The following DHX37 variants were observed in gnomAD, a reference collection of about 807,000 sequenced individuals.
The protein encoded by DHX37 is probable ATP-dependent RNA helicase DHX37.
In DHX37, 52 loss-of-function variants were observed where a neutral mutation model predicts 134.3. That is an observed-to-expected ratio of 0.39 (90% CI 0.31 to 0.49). The LOEUF (loss-of-function observed/expected upper bound fraction) is 0.49. DHX37 is among the 20% of genes least tolerant of loss of function. The pLI is 0.93. For missense variants in DHX37, 1,344 were observed against 1,580.8 expected, an observed-to-expected ratio of 0.85 and a Z score of 2.54; for synonymous variants, 634 against 670.7, an observed-to-expected ratio of 0.95 and a Z score of 0.85.
Position 124,957,109 on chromosome 12 carries a change from G to A in DHX37, c.2184C>T (p.Pro728=), listed in dbSNP as rs756874310. 2 of 1,497,326 alleles carry A rather than the reference G, an allele frequency of 1.3e-6. 1 individual carries two copies. The highest frequency in any genetic ancestry group is 1.8e-6 in the Non-Finnish European group (2 of 1,126,474). 92.8% of individuals were successfully genotyped at this position (1,497,326 alleles called of 1,614,324 possible). ...CGGCAAGAAGGGCTTCCACGGAGGGGGGCGTCGGGAAGGGGAAGTTGATGA... is the reference window on the plus strand; with the variant it reads ...CGGCAAGAAGGGCTTCCACGGAGGGAGGCGTCGGGAAGGGGAAGTTGATGA... The part of the protein sequence containing the change: ...EKVINFPFPT[P]PSVEALLAAE... The change falls in exon 17 of 27, where the codon CCC becomes CCT. Residue 728 remains proline, a synonymous_variant. Transcript: ENST00000308736.
At position 124,954,128 on chromosome 12, in the gene DHX37, T is replaced by G; in HGVS notation, c.2537A>C (p.Gln846Pro). The G allele has an allele frequency of 6.2e-7, 1 of 1,612,500 alleles. No homozygotes were observed. The highest frequency in any genetic ancestry group is 8.5e-7 in the Non-Finnish European group (1 of 1,179,282). Residue 846 changes from glutamine (Q) to proline (P), a missense_variant, in exon 19 of 27, where the codon CAG becomes CCG. By Grantham distance (76) the Gln-to-Pro change is moderately conservative. Coordinates refer to ENST00000308736, the MANE Select transcript of DHX37 (RefSeq NM_032656.4). ...VAQMKRTWAG[Q>P]GASLKLGDLM... is the part of the protein sequence containing the mutation. ...GTCGCCGAGCTTCAGAGAAGCCCCCTGCCCTGCCCAGGTCCTCTTCATCTG... is the reference window on the plus strand; with the variant it reads ...GTCGCCGAGCTTCAGAGAAGCCCCCGGCCCTGCCCAGGTCCTCTTCATCTG...
rs75096926 is a variant in DHX37, at chr12:124,988,847, G to A, written c.106+70C>T. The stretch of plus-strand genomic sequence containing the variant: ...ACCCCTCTGGGATCCCCACCCGAGA[G>A]TCCTGAAGGCAGGGCACAGGCCGCC... On this transcript the variant is annotated intron_variant, in intron 1 of 26. Coordinates refer to ENST00000308736, the MANE Select transcript of DHX37 (RefSeq NM_032656.4). The A allele has an allele frequency of 5.0e-3, 5,088 of 1,014,298 alleles. 136 individuals are homozygous for A. The African/African-American group carries it at 0.061, about 12-fold the overall frequency. The allele number at this position is 1,014,298 out of a possible 1,614,324, so 62.8% of individuals were successfully genotyped here. A position where few individuals can be genotyped will look rare whatever the true frequency, so the allele number is the denominator to read the frequency against.
intron 7 of DHX37, among the ~76,000 whole-genome samples, chr12:124,971,868 G>A (rs941458435): frequency 3.9e-5 from 6 of 152,312 alleles, no homozygotes; most frequent in Middle Eastern, 3.4e-3. Flanking sequence ...CCGAATGGCC[G>A]GCTCCCTAGG....
intron 2 of DHX37, among the ~76,000 whole-genome samples, chr12:124,983,918 G>T (rs1594514134): frequency 1.3e-5 from 2 of 152,178 alleles, no homozygotes; most frequent in Non-Finnish European, 2.9e-5. Flanking sequence ...GCTCCCACGT[G>T]CAGTGGCCTC....
chr12:124,953,640 C>T lies in DHX37; in HGVS notation c.2695+240G>A, dbSNP rs117076907. ...GGTATCGCCAGGGAAAAGGTGAAAC[C>T]GAGCGACGACCTGGTGGGGGAGGGT... On this transcript the variant is annotated intron_variant, in intron 20 of 26. Coordinates refer to ENST00000308736, the MANE Select transcript of DHX37 (RefSeq NM_032656.4). The T allele has an allele frequency of 1.1e-4, 67 of 634,582 alleles. No individual in the cohort carries two copies. In the East Asian group the frequency reaches 1.9e-3, roughly 18 times the overall value. 39.3% of individuals were successfully genotyped at this position (634,582 alleles called of 1,614,324 possible). A position where few individuals can be genotyped will look rare whatever the true frequency, so the allele number is the denominator to read the frequency against.
At chr12:124,963,509 G>A (rs1638363492) in intron 15 of DHX37, among the ~76,000 whole-genome samples, 1 of 152,092 alleles carries the variant, frequency 6.6e-6, no homozygotes, top group African/African-American at 2.4e-5. Flanking sequence ...TATGGTATGT[G>A]AATTATATCC....
At chr12:124,967,358 G>T in intron 10 of DHX37, 140 bp from the exon 11 acceptor site, 1 of 873,710 alleles carries the variant, frequency 1.1e-6, no homozygotes, top group Non-Finnish European at 1.7e-6. Context: ...ACATAGATGA[G>T]CAGGGGGCAG....
intron 1 of DHX37, among the ~76,000 whole-genome samples, chr12:124,988,523 C>G (rs1277215569): frequency 6.6e-6 from 1 of 152,090 alleles, no homozygotes; most frequent in Admixed American, 6.5e-5. Context: ...GTAATAAGGG[C>G]TACTCCTAAA....
rs1954742665 is a variant in DHX37 at position 124,980,733 on chromosome 12, C to T, written c.495G>A (p.Glu165=). 1 of 1,556,040 alleles carries T rather than the reference C, an allele frequency of 6.4e-7. No individual in the cohort carries two copies. The highest frequency in any genetic ancestry group is 1.7e-4 in the Middle Eastern group (1 of 5,968). Residue 165 remains glutamate, a synonymous_variant, in exon 4 of 27, where the codon GAG becomes GAA. Coordinates refer to ENST00000308736, the MANE Select transcript of DHX37 (RefSeq NM_032656.4). The surrounding 1 kb of genome is among the most constrained non-coding windows in gnomAD (Gnocchi z 5.3). The stretch of plus-strand genomic sequence containing the variant: ...CCAGCTCCGATTCCGACTCCTCCTC[C>T]TCCTCCTCCTCCTCCTCAGCTGAGG... ...RWPSAEEEEE[E]EEESESELEE...
intron 9 of DHX37, 30 bp downstream of exon 9, chr12:124,968,837 G>C (rs1402280393): frequency 6.2e-7 from 1 of 1,612,754 alleles, no homozygotes; most frequent in South Asian, 1.1e-5. Flanking sequence ...TGCCATCCAA[G>C]CTCACAGAGG....
intron 5 of DHX37, among the ~76,000 whole-genome samples, chr12:124,976,919 C>T (rs538381904): frequency 3.3e-5 from 5 of 151,242 alleles, no homozygotes; most frequent in South Asian, 2.1e-4. Flanking sequence ...TGGTGGCGGG[C>T]GCCTGTAATC....
In DHX37 at chr12:124,964,872, C is replaced by T. The variant is rs985380910; in HGVS notation, c.1812+58G>A. The T allele has an allele frequency of 4.6e-6, 7 of 1,530,008 alleles. No homozygotes were observed. In the African/African-American group the frequency reaches 9.6e-5, roughly 21 times the overall value. 94.8% of individuals were successfully genotyped at this position (1,530,008 alleles called of 1,614,324 possible). The stretch of plus-strand genomic sequence containing the variant: ...GAGGACCACCAAGGGCTTGACCAAC[C>T]CCACTGTAATGCCCTTAAAAGTGCC... On this transcript the variant is annotated intron_variant, in intron 14 of 26. Coordinates refer to ENST00000308736, the MANE Select transcript of DHX37 (RefSeq NM_032656.4).
At chr12:124,961,238 A>T (rs558049838) in intron 15 of DHX37, among the ~76,000 whole-genome samples, 158 of 113,054 alleles carry the variant, frequency 1.4e-3, no homozygotes, top group African/African-American at 5.1e-3. Flanking sequence ...GCACACACAC[A>T]TACACGCGTG....
chr12:124,983,114 A>G (rs2135970504), intron 2 of DHX37, among the ~76,000 whole-genome samples: 1 of 152,084 alleles, frequency 6.6e-6, no homozygotes, highest in Non-Finnish European at 1.5e-5. Flanking sequence ...TAGGTTTTAT[A>G]CACACTTCTT....
intron 3 of DHX37, among the ~76,000 whole-genome samples, chr12:124,981,625 G>C (rs1032197765): frequency 3.3e-5 from 5 of 151,940 alleles, no homozygotes; most frequent in Non-Finnish European, 7.4e-5. Flanking sequence ...AGTGGAGACA[G>C]GGTTTCACCA....
intron 1 of DHX37, among the ~76,000 whole-genome samples, chr12:124,987,342 C>CAAAT (rs1247502413): frequency 9.2e-5 from 14 of 152,310 alleles, no homozygotes; most frequent in African/African-American, 1.7e-4. Context: ...GGCTCCATCT[C>CAAAT]AAATAAATAA....
At position 124,952,562 on chromosome 12, in the gene DHX37, C is replaced by A. The variant is rs554685797; in HGVS notation, c.2704G>T (p.Val902Leu). 1 of 1,584,592 alleles carries A rather than the reference C, an allele frequency of 6.3e-7. No homozygotes were observed. Among genetic ancestry groups the A allele is most frequent in the Non-Finnish European group, 8.6e-7 (1 of 1,160,628 alleles). Residue 902 changes from valine (V) to leucine (L), a missense_variant, in exon 21 of 27, where the codon GTG (valine) becomes TTG (leucine). Physicochemically the swap from Val to Leu is conservative, Grantham distance 32. Around this residue, in one of 7 missense-constraint regions of DHX37, gnomAD observed 558 missense variants for 650.0 expected, o/e 0.86. Transcript: ENST00000308736. ...ACGAAGAGCTCAGCCTCGGGGCACACGGCATTGACTGAGGGGAGAACCAAG... is the reference window on the plus strand; with the variant it reads ...ACGAAGAGCTCAGCCTCGGGGCACAAGGCATTGACTGAGGGGAGAACCAAG... Reference protein sequence around the residue: ...RGQLTTAVNAVCPEAELFVDP... With the variant: ...RGQLTTAVNALCPEAELFVDP...
In DHX37 at chr12:124,946,968, C is replaced by G. The variant is rs909326851; in HGVS notation, c.*834G>C. ...TGGAGGACAGAAGGCAGGGGCCTCC[C>G]GACTCCTTGGTCCTGCCTGGGGTGC... On this transcript the variant is annotated 3_prime_UTR_variant, in exon 27 of 27. Transcript: ENST00000308736. 1 of 152,290 alleles carries G rather than the reference C, an allele frequency of 6.6e-6. No homozygotes were observed. The highest frequency in any genetic ancestry group is 1.5e-5 in the Non-Finnish European group (1 of 68,086). 9.4% of individuals were successfully genotyped at this position (152,290 alleles called of 1,614,324 possible).
intron 10 of DHX37, among the ~76,000 whole-genome samples, chr12:124,967,562 C>T (rs951531817): frequency 6.6e-6 from 1 of 152,190 alleles, no homozygotes; most frequent in Admixed American, 6.5e-5. Flanking sequence ...GGCTCACTGC[C>T]CAAGCTCCAG....
Sources: gnomAD v4.1 joint callset for allele counts (sites outside exome capture counted in the v4.1 genomes callset) on GRCh38, gnomAD v4.1.1 for gene constraint, gnomAD v4.1.1 regional missense constraint, Gnocchi (gnomAD v3.1) non-coding constraint, MANE v1.5 for transcripts, NCBI Gene and HGNC (gene_info 2026-07-23, HGNC 2026-07-21) for gene names.